SERPINI1: variants seen among roughly 807,000 people sequenced by gnomAD.
SERPINI1 encodes the protein neuroserpin.
Under a neutral mutation model 41.1 loss-of-function variants are expected in SERPINI1, and 19 were observed. The observed-to-expected ratio is 0.46, with a 90% CI of 0.32 to 0.68. The LOEUF (loss-of-function observed/expected upper bound fraction) is 0.68. Ranked by LOEUF, SERPINI1 falls within the 30% of genes least tolerant of loss-of-function variation. SERPINI1 has a pLI of 0.03. For synonymous variants in SERPINI1, 138 were observed against 156.6 expected, an observed-to-expected ratio of 0.88 and a Z score of 0.89; for missense variants, 460 against 479.2, an observed-to-expected ratio of 0.96 and a Z score of 0.37.
At chr3:167,793,594 A>ATTTTTTTTTT (rs544906097) in intron 4 of SERPINI1, among the ~76,000 whole-genome samples, 49 of 106,424 alleles carry the variant, frequency 4.6e-4, no homozygotes, top group South Asian at 1.3e-3. Flanking sequence ...ATATATATAT[A>ATTTTTTTTTT]TATTTTTAAT....
intron 6 of SERPINI1, among the ~76,000 whole-genome samples, chr3:167,809,475 C>T (rs1711789373): frequency 6.6e-6 from 1 of 152,124 alleles, no homozygotes; most frequent in Non-Finnish European, 1.5e-5. Flanking sequence ...TTATTGTGGT[C>T]AGTGTAGCTT....
intron 6 of SERPINI1, among the ~76,000 whole-genome samples, chr3:167,817,764 ATT>A (rs11418657): frequency 6.0e-5 from 9 of 149,604 alleles, no homozygotes; most frequent in African/African-American, 2.2e-4. Context: ...CGCCTGGCTA[ATT>A]TTTTTTGTAT....
rs141882729 is a variant in SERPINI1, at chr3:167,758,319, A to T, written c.-19+22496A>T. ...CTAAAAAGTCCATAACAAATCTGGG[A>T]CAATTTGAAAAATAAGTAATGATAG... is the stretch of plus-strand genomic sequence containing the variant. On this transcript the variant is annotated intron_variant, in intron 1 of 8. Transcript: ENST00000446050. Among the ~76,000 whole-genome samples the T allele has an allele frequency of 2.0e-5, 3 of 152,348 alleles. No individual in the cohort carries two copies. The East Asian group carries it at 5.8e-4, about 29-fold the overall frequency.
intron 1 of SERPINI1, among the ~76,000 whole-genome samples, chr3:167,744,647 AATATATATAAATATAAAAAT>A (rs1725790583): frequency 7.6e-6 from 1 of 131,228 alleles, no homozygotes; most frequent in Non-Finnish European, 1.6e-5. Flanking sequence ...TTTATATATA[AATATATATAAATATAAAAAT>A]ATATATATAA....
chr3:167,808,811 G>A (rs1057176541), intron 6 of SERPINI1, among the ~76,000 whole-genome samples: 2 of 152,164 alleles, frequency 1.3e-5, no homozygotes, highest in East Asian at 3.9e-4. Context: ...ATGTAGGTGT[G>A]TGTGAGAGAG....
At chr3:167,819,465 T>A (rs1232427680) in intron 6 of SERPINI1, among the ~76,000 whole-genome samples, 1 of 152,260 alleles carries the variant, frequency 6.6e-6, no homozygotes, top group African/African-American at 2.4e-5. Context: ...ATTGCTTTTT[T>A]ATTTTTCTTC....
chr3:167,786,200 A>T (rs891171120), intron 1 of SERPINI1, among the ~76,000 whole-genome samples: 3 of 152,170 alleles, frequency 2.0e-5, no homozygotes, highest in Non-Finnish European at 2.9e-5. Flanking sequence ...GTGGGACAAG[A>T]TATAAGACTT....
chr3:167,770,028 CTT>C (rs34233842), intron 1 of SERPINI1, among the ~76,000 whole-genome samples: 2,777 of 130,830 alleles, frequency 0.021, 99 homozygotes, highest in African/African-American at 0.073. Flanking sequence ...GGCATGTTTA[CTT>C]TTTTTTTTTT....
chr3:167,787,655 G>A (rs1312005180), intron 1 of SERPINI1, among the ~76,000 whole-genome samples: 5 of 152,216 alleles, frequency 3.3e-5, no homozygotes, highest in African/African-American at 1.2e-4. Context: ...CATTAGCAAC[G>A]GAGGTGGTGA....
chr3:167,800,681 A>G (rs1727869885), intron 5 of SERPINI1, among the ~76,000 whole-genome samples: 1 of 152,212 alleles, frequency 6.6e-6, no homozygotes, highest in African/African-American at 2.4e-5. Flanking sequence ...GTGGTTCTCT[A>G]TTTTGTAACC....
At chr3:167,775,263 T>C (rs1018093323) in intron 1 of SERPINI1, among the ~76,000 whole-genome samples, 4 of 146,056 alleles carry the variant, frequency 2.7e-5, no homozygotes, top group African/African-American at 1.0e-4. Flanking sequence ...TTATTATTAT[T>C]ATTATTATTA....
In SERPINI1 at chr3:167,793,838, A is replaced by ATGTGTGTGTGTGTGTGTGTG. The variant is rs56401913; in HGVS notation, c.677-768_677-749dup. 9.6e-4 allele frequency among the ~76,000 whole-genome samples: 135 copies of ATGTGTGTGTGTGTGTGTGTG among 141,300 alleles called. 3 individuals carry two copies. Among genetic ancestry groups the ATGTGTGTGTGTGTGTGTGTG allele is most frequent in the African/African-American group, 3.5e-3 (130 of 37,526 alleles). 92.7% of individuals were successfully genotyped at this position (141,300 alleles called of 152,430 possible). ...TATATAGTTCATTTTGGCCATATGT[A>ATGTGTGTGTGTGTGTGTGTG]TGTGTGTGTGTGTGTGTGTGTGTGT... On this transcript the variant is annotated intron_variant, in intron 4 of 8. Transcript: ENST00000446050.
chr3:167,756,383 G>A (rs1478388310), intron 1 of SERPINI1, among the ~76,000 whole-genome samples: 1 of 152,008 alleles, frequency 6.6e-6, no homozygotes, highest in Non-Finnish European at 1.5e-5. Flanking sequence ...CTGCAGCCTT[G>A]ACCTCCCAGG....
chr3:167,757,858 G>A (rs1204383523), intron 1 of SERPINI1, among the ~76,000 whole-genome samples: 1 of 152,178 alleles, frequency 6.6e-6, no homozygotes, highest in African/African-American at 2.4e-5. Flanking sequence ...GGCGGAGATT[G>A]CAGTGAGCCG....
intron 1 of SERPINI1, among the ~76,000 whole-genome samples, chr3:167,752,947 C>A (rs958752021): frequency 1.3e-5 from 2 of 152,098 alleles, no homozygotes; most frequent in African/African-American, 4.8e-5. Context: ...CCCTGTTATT[C>A]TTTTATGTGA....
At chr3:167,823,503 A>G (rs1712411289) in intron 7 of SERPINI1, among the ~76,000 whole-genome samples, 1 of 152,166 alleles carries the variant, frequency 6.6e-6, no homozygotes, top group Non-Finnish European at 1.5e-5. Context: ...ATATTTATGG[A>G]GAATATGGGA....
At chr3:167,815,613 C>A (rs917548844) in intron 6 of SERPINI1, among the ~76,000 whole-genome samples, 20 of 152,158 alleles carry the variant, frequency 1.3e-4, no homozygotes, top group African/African-American at 4.8e-4. Context: ...TGCTCTTGAA[C>A]TCCTAACCTC....
chr3:167,744,708 A>G (rs1288901750), intron 1 of SERPINI1, among the ~76,000 whole-genome samples: 2 of 131,296 alleles, frequency 1.5e-5, no homozygotes, highest in East Asian at 2.0e-4. Flanking sequence ...AAATATATAT[A>G]AAATATATAT....
intron 3 of SERPINI1, among the ~76,000 whole-genome samples, chr3:167,791,622 G>A (rs1442289898): frequency 3.9e-5 from 6 of 152,156 alleles, no homozygotes; most frequent in Non-Finnish European, 7.3e-5. Flanking sequence ...CTTTAGACAC[G>A]TTTAGCAAAC....
Sources: gnomAD v4.1 joint callset for allele counts (sites outside exome capture counted in the v4.1 genomes callset) on GRCh38, gnomAD v4.1.1 for gene constraint, MANE v1.5 for transcripts, NCBI Gene and HGNC (gene_info 2026-07-23, HGNC 2026-07-21) for gene names.